TSPAN11: variants seen among roughly 807,000 people sequenced by gnomAD.
TSPAN11 encodes tetraspanin-11.
In TSPAN11, 29 loss-of-function variants were observed where a neutral mutation model predicts 32.9. The ratio of observed to expected loss-of-function variants is 0.88; its 90% CI spans 0.66 to 1.20. The LOEUF (loss-of-function observed/expected upper bound fraction) is 1.20, where lower values mean the gene tolerates loss of function less well. Ranked by LOEUF, TSPAN11 falls within the 50% of genes most tolerant of loss-of-function variation. The pLI is 0.00. For synonymous variants in TSPAN11, 140 were observed against 141.3 expected (o/e 0.99, Z 0.07); for missense variants, 283 against 329.1 (o/e 0.86, Z 1.08).
chr12:30,930,599 G>A (rs1051532725), intron 1 of TSPAN11, among the ~76,000 whole-genome samples: 10 of 152,180 alleles, frequency 6.6e-5, no homozygotes, highest in Non-Finnish European at 1.0e-4. Flanking sequence ...ACCTCAACTC[G>A]TAGCAGGGTG....
At chr12:30,938,584 A>G (rs1592461850) in intron 1 of TSPAN11, among the ~76,000 whole-genome samples, 1 of 152,290 alleles carries the variant, frequency 6.6e-6, no homozygotes, top group East Asian at 1.9e-4. Context: ...GCCTTGCACA[A>G]TTCCAGGGGC....
chr12:30,954,448 A>G (rs1390839326), intron 2 of TSPAN11: 5 of 237,422 alleles, frequency 2.1e-5, no homozygotes, highest in Non-Finnish European at 4.1e-5. Context: ...TTCCACTGAA[A>G]TCCATTCACC....
In TSPAN11 at chr12:30,995,739, C is replaced by T. The variant is rs948523019; in HGVS notation, c.*3824C>T. ...ATAGTGACCAAGCGTCTAAACCAGT[C>T]GTTCTCAAACTTCGGTGAGTATCAG... is the stretch of plus-strand genomic sequence containing the variant. On this transcript the variant is annotated 3_prime_UTR_variant, in exon 8 of 8. Transcript: ENST00000546076. 2 of 152,092 alleles carry T rather than the reference C, an allele frequency of 1.3e-5. No homozygotes were observed. The highest frequency in any genetic ancestry group is 1.9e-4 in the East Asian group (1 of 5,152). The allele number at this position is 152,092 out of a possible 1,614,324, so 9.4% of individuals were successfully genotyped here. A position where few individuals can be genotyped will look rare whatever the true frequency, so the allele number is the denominator to read the frequency against.
chr12:30,949,128 T>C (rs1460063660), intron 1 of TSPAN11, among the ~76,000 whole-genome samples: 1 of 152,200 alleles, frequency 6.6e-6, no homozygotes, highest in Admixed American at 6.5e-5. Flanking sequence ...TTATTGTTCA[T>C]ATCACCATCA....
chr12:30,939,238 C>CAA (rs34239881), intron 1 of TSPAN11, among the ~76,000 whole-genome samples: 13,621 of 136,826 alleles, frequency 0.1, 1,221 homozygotes, highest in East Asian at 0.33. Flanking sequence ...AAGACTCCAT[C>CAA]AAAAAAAAAA....
intron 1 of TSPAN11, among the ~76,000 whole-genome samples, chr12:30,942,332 G>C (rs993572413): frequency 8.5e-5 from 13 of 152,188 alleles, no homozygotes; most frequent in African/African-American, 3.1e-4. Flanking sequence ...CCATCTTACA[G>C]AGGAGGAAGG....
At chr12:30,968,661 T>G (rs73091910) in intron 3 of TSPAN11, among the ~76,000 whole-genome samples, 17,468 of 152,226 alleles carry the variant, frequency 0.11, 1,111 homozygotes, top group African/African-American at 0.16. Context: ...CTTCTATATT[T>G]TAAGCCAAAT....
intron 3 of TSPAN11, among the ~76,000 whole-genome samples, chr12:30,965,680 G>A (rs1180789919): frequency 6.6e-6 from 1 of 152,170 alleles, no homozygotes; most frequent in African/African-American, 2.4e-5. Flanking sequence ...CGCTGCACTT[G>A]ACATTCATGC....
chr12:30,942,728 A>AC (rs1445930143), intron 1 of TSPAN11, among the ~76,000 whole-genome samples: 1 of 12,168 alleles, frequency 8.2e-5, no homozygotes, highest in East Asian at 0.011. Context: ...AAATGAAGTT[A>AC]AAAAAAAAAA....
chr12:30,993,650 G>A lies in TSPAN11; in HGVS notation c.*1735G>A, dbSNP rs550956299. On this transcript the variant is annotated 3_prime_UTR_variant, in exon 8 of 8. Transcript: ENST00000546076. The stretch of plus-strand genomic sequence containing the variant: ...GAGGCCGAGAGAAATGGTATAGTGC[G>A]TGATTAGCATTGCTGCCCTCCAACC... 2.6e-5 allele frequency: 4 copies of A among 152,372 alleles called. No homozygotes were observed. Among genetic ancestry groups the A allele is most frequent in the South Asian group, 4.1e-4 (2 of 4,832 alleles). The allele number at this position is 152,372 out of a possible 1,614,324, so 9.4% of individuals were successfully genotyped here. A position where few individuals can be genotyped will look rare whatever the true frequency, so the allele number is the denominator to read the frequency against.
In TSPAN11 at chr12:30,957,525, G is replaced by A. The variant is rs565743925; in HGVS notation, c.84+3450G>A. Among the ~76,000 whole-genome samples, 22 of 152,206 alleles carry A rather than the reference G, an allele frequency of 1.4e-4. 1 individual carries two copies. The South Asian group carries it at 3.5e-3, about 24-fold the overall frequency. ...CTGAGCATTAGGATTCCTAATTTCC[G>A]CTCTCCATGCTTCCTTTGGCTTTCT... is the stretch of plus-strand genomic sequence containing the variant. On this transcript the variant is annotated intron_variant, in intron 2 of 7. Coordinates refer to ENST00000546076, the MANE Select transcript of TSPAN11 (RefSeq NM_001370302.1).
intron 1 of TSPAN11, among the ~76,000 whole-genome samples, chr12:30,943,633 G>A (rs1286795842): frequency 6.6e-6 from 1 of 152,200 alleles, no homozygotes; most frequent in Non-Finnish European, 1.5e-5. Context: ...GTGACCTCCT[G>A]TTCCCCCACC....
rs1285567643 is a variant in TSPAN11 at position 30,978,549 on chromosome 12, C to T, written c.277-12C>T. ...GATCCCAGTGGTGACCGTCCTCTCT[C>T]TTTGCTGCTAGTATTTCTGCCTGTT... On this transcript the variant is annotated splice_polypyrimidine_tract_variant and intron_variant, in intron 3 of 7. Transcript: ENST00000546076. 3.1e-6 allele frequency: 5 copies of T among 1,614,024 alleles called. No individual in the cohort carries two copies. Among genetic ancestry groups the T allele is most frequent in the Non-Finnish European group, 4.2e-6 (5 of 1,179,986 alleles).
At chr12:30,967,664 A>G (rs1277917399) in intron 3 of TSPAN11, among the ~76,000 whole-genome samples, 1 of 136,836 alleles carries the variant, frequency 7.3e-6, no homozygotes, top group Non-Finnish European at 1.6e-5. Context: ...GCATGCACGC[A>G]CACACATTCG....
rs1158421347 is a variant in TSPAN11, at chr12:30,991,843, C to G, written c.703-13C>G. The G allele has an allele frequency of 6.2e-7, 1 of 1,614,182 alleles. No homozygotes were observed. The highest frequency in any genetic ancestry group is 2.2e-5 in the East Asian group (1 of 44,890). On this transcript the variant is annotated splice_polypyrimidine_tract_variant and intron_variant, in intron 7 of 7. Transcript: ENST00000546076. ...TGATTTCTCTTTGCTCCTCTGCTCT[C>G]TCCACCTGGCAGATCTGCGGGATGG...
At chr12:30,953,862 C>G (rs143064820) in intron 1 of TSPAN11, 119 bp from the exon 2 acceptor site, 1 of 672,920 alleles carries the variant, frequency 1.5e-6, no homozygotes, top group East Asian at 2.7e-5. Context: ...AGCCTCAAAG[C>G]CCCCGGCAGA....
chr12:31,002,795 G>C, the TSPAN11 span, among the ~76,000 whole-genome samples: 2 of 152,162 alleles, frequency 1.3e-5, no homozygotes, highest in African/African-American at 4.8e-5. The surrounding 1 kb of genome is among the most constrained non-coding windows in gnomAD (Gnocchi z 4.8). Context: ...AACCTGGAGG[G>C]ATGGCCATCT....
chr12:30,981,264 C>G (rs1322531827), intron 5 of TSPAN11, among the ~76,000 whole-genome samples: 1 of 152,214 alleles, frequency 6.6e-6, no homozygotes, highest in Non-Finnish European at 1.5e-5. Flanking sequence ...GGGCCAGCAC[C>G]CGGCCCTCCA....
intron 7 of TSPAN11, among the ~76,000 whole-genome samples, chr12:30,985,996 C>T (rs978874414): frequency 2.0e-5 from 3 of 152,236 alleles, no homozygotes; most frequent in African/African-American, 4.8e-5. Flanking sequence ...GGCCAAGCCT[C>T]GGGTTAGGGC....
Sources: allele counts gnomAD v4.1 joint callset (sites outside exome capture counted in the v4.1 genomes callset), GRCh38; gene constraint gnomAD v4.1.1; non-coding constraint Gnocchi (gnomAD v3.1); transcripts MANE v1.5; gene names NCBI Gene and HGNC (gene_info 2026-07-23, HGNC 2026-07-21).